The following GDPD5 variants were observed in gnomAD, a reference collection of about 807,000 sequenced individuals.
The protein encoded by GDPD5 is glycerophosphodiester phosphodiesterase domain containing 5, also known as glycerophosphodiester phosphodiesterase 2.
Under a neutral mutation model 75.1 loss-of-function variants are expected in GDPD5, and 48 were observed. That is an observed-to-expected ratio of 0.64 (90% CI 0.51 to 0.81). GDPD5 has a LOEUF of 0.81. Ranked by LOEUF, GDPD5 falls within the 40% of genes least tolerant of loss-of-function variation. The pLI is 0.00. For missense variants in GDPD5, 706 were observed against 822.6 expected, an observed-to-expected ratio of 0.86 and a Z score of 1.73; for synonymous variants, 336 against 339.0, an observed-to-expected ratio of 0.99 and a Z score of 0.10.
chr11:75,475,628 C>T (rs1478338558), intron 3 of GDPD5, among the ~76,000 whole-genome samples: 1 of 152,024 alleles, frequency 6.6e-6, no homozygotes, highest in African/African-American at 2.4e-5. Context: ...AGACAGGGGG[C>T]GGAGCGAAGT....
intron 6 of GDPD5, chr11:75,451,461 G>A (rs1160614626): frequency 1.3e-5 from 2 of 152,274 alleles, no homozygotes; most frequent in Non-Finnish European, 2.9e-5. Flanking sequence ...GCTTTGAAGG[G>A]GCAGAACCAG....
At chr11:75,518,405 G>A (rs1421879741) in intron 1 of GDPD5, among the ~76,000 whole-genome samples, 2 of 152,182 alleles carry the variant, frequency 1.3e-5, no homozygotes, top group Non-Finnish European at 2.9e-5. Context: ...GGGACACTGT[G>A]GGAGGTAGGC....
intron 3 of GDPD5, among the ~76,000 whole-genome samples, chr11:75,475,142 C>T (rs1042344955): frequency 6.6e-6 from 1 of 152,216 alleles, no homozygotes; most frequent in African/African-American, 2.4e-5. Flanking sequence ...TACTTTCATA[C>T]TTCATTTTCC....
intron 1 of GDPD5, among the ~76,000 whole-genome samples, chr11:75,510,088 G>A (rs1950484150): frequency 6.6e-6 from 1 of 152,232 alleles, no homozygotes; most frequent in South Asian, 2.1e-4. Flanking sequence ...ATGTCCTTCT[G>A]GGCTCAGGGG....
chr11:75,461,742 A>G (rs1375120657), intron 4 of GDPD5, among the ~76,000 whole-genome samples: 1 of 152,190 alleles, frequency 6.6e-6, no homozygotes, highest in African/African-American at 2.4e-5. Context: ...AGCACCAGAG[A>G]CTTGCTCATC....
At chr11:75,518,170 T>G (rs1950683702) in intron 1 of GDPD5, among the ~76,000 whole-genome samples, 1 of 152,230 alleles carries the variant, frequency 6.6e-6, no homozygotes, top group Admixed American at 6.5e-5. Context: ...TGGCCTCGTC[T>G]GGCCTCTGTG....
rs369141572 is a variant in GDPD5 at position 75,448,967 on chromosome 11, T to C, written c.714+10A>G. 6.4e-6 allele frequency: 10 copies of C among 1,556,348 alleles called. No homozygotes were observed. In the African/African-American group the frequency reaches 1.4e-4, roughly 22 times the overall value. ...CAACGGGGCTGTTAGGACCCTGAGG[T>C]GGCACTCACCATGGGGGCCCCGCGG... On this transcript the variant is annotated intron_variant, in intron 9 of 16. Coordinates refer to ENST00000336898, the MANE Select transcript of GDPD5 (RefSeq NM_030792.8).
chr11:75,448,687 C>T, intron 9 of GDPD5: 1 of 1,135,170 alleles, frequency 8.8e-7, no homozygotes, highest in Non-Finnish European at 1.1e-6. Flanking sequence ...CAGCATCCAT[C>T]TCCTGGGCCT....
In GDPD5 at chr11:75,449,665, T is replaced by G. The variant is rs141520491; in HGVS notation, c.475-55A>C. ...GTAACGCCCAGCTCTGCCCAGACCC[T>G]GTGTCACCAGCCTCCTACTTCTACC... On this transcript the variant is annotated intron_variant, in intron 7 of 16. Transcript: ENST00000336898. The G allele has an allele frequency of 1.8e-4, 280 of 1,518,972 alleles. No homozygotes were observed. The African/African-American group carries it at 3.2e-3, about 17-fold the overall frequency. 94.1% of individuals were successfully genotyped at this position (1,518,972 alleles called of 1,614,324 possible). A position where few individuals can be genotyped will look rare whatever the true frequency, so the allele number is the denominator to read the frequency against.
At chr11:75,440,141 G>A (rs1220883257) in intron 14 of GDPD5, among the ~76,000 whole-genome samples, 180 bp from the exon 15 acceptor site, 1 of 152,176 alleles carries the variant, frequency 6.6e-6, no homozygotes, top group African/African-American at 2.4e-5. Context: ...GGCGCTGTGG[G>A]CCTGGGGGCC....
At chr11:75,436,862 C>A in intron 16 of GDPD5, 74 bp downstream of exon 16, 2 of 1,104,654 alleles carry the variant, frequency 1.8e-6, no homozygotes, top group Non-Finnish European at 1.4e-6. Context: ...TGTGTGCATA[C>A]ACATCTGTTT....
chr11:75,482,527 G>A (rs908095235), intron 2 of GDPD5, among the ~76,000 whole-genome samples: 2 of 151,958 alleles, frequency 1.3e-5, no homozygotes, highest in Non-Finnish European at 2.9e-5. Context: ...CCCTTTTCTC[G>A]CCATCCCCAC....
intron 3 of GDPD5, among the ~76,000 whole-genome samples, chr11:75,470,543 C>A (rs1252338452): frequency 6.6e-6 from 1 of 152,108 alleles, no homozygotes; most frequent in African/African-American, 2.4e-5. Context: ...CGACATCCAT[C>A]TATATATAGT....
chr11:75,454,795 A>C (rs1029441260), intron 6 of GDPD5, among the ~76,000 whole-genome samples: 10 of 152,368 alleles, frequency 6.6e-5, no homozygotes, highest in South Asian at 2.1e-4. Flanking sequence ...GATAGTGAGG[A>C]GACTTTCTTT....
intron 1 of GDPD5, among the ~76,000 whole-genome samples, chr11:75,516,578 G>A (rs1950643379): frequency 6.6e-6 from 1 of 152,214 alleles, no homozygotes; most frequent in Non-Finnish European, 1.5e-5. Flanking sequence ...GGCCTGGTGG[G>A]GCAAGGGGAG....
chr11:75,443,318 AC>A, intron 10 of GDPD5, 32 bp from the exon 11 acceptor site: 4 of 1,579,846 alleles, frequency 2.5e-6, no homozygotes, highest in Non-Finnish European at 1.7e-6. Flanking sequence ...CGAGTCAGTG[AC>A]CCCCCAGATC....
intron 4 of GDPD5, among the ~76,000 whole-genome samples, chr11:75,459,665 C>A (rs968084306): frequency 1.1e-4 from 17 of 152,114 alleles, no homozygotes; most frequent in African/African-American, 4.1e-4. Flanking sequence ...AAAAAATTAG[C>A]CAGGAGTGGT....
chr11:75,447,547 A>T (rs1371458676), intron 9 of GDPD5, among the ~76,000 whole-genome samples: 1 of 152,178 alleles, frequency 6.6e-6, no homozygotes, highest in Non-Finnish European at 1.5e-5. Flanking sequence ...ATGGGATTGG[A>T]TTCATTACAT....
At chr11:75,492,755 G>A (rs796732550) in intron 1 of GDPD5, among the ~76,000 whole-genome samples, 6 of 152,214 alleles carry the variant, frequency 3.9e-5, no homozygotes, top group African/African-American at 1.4e-4. Flanking sequence ...TTTTTGAGAC[G>A]GAGTTTCGCT....
Sources: gnomAD v4.1 joint callset for allele counts (sites outside exome capture counted in the v4.1 genomes callset) on GRCh38, gnomAD v4.1.1 for gene constraint, MANE v1.5 for transcripts, NCBI Gene and HGNC (gene_info 2026-07-23, HGNC 2026-07-21) for gene names.